Variants in HMCN2 observed in about 807,000 individuals in gnomAD.
The protein encoded by HMCN2 is hemicentin 2.
HMCN2 carries 325 observed loss-of-function variants against 377.5 expected under a neutral mutation model. The observed-to-expected ratio is 0.86, with a 90% CI of 0.79 to 0.94. The LOEUF (loss-of-function observed/expected upper bound fraction) is 0.94. Among genes scored for constraint, HMCN2 ranks in the 40% least tolerant of loss-of-function variants. The pLI, the probability that HMCN2 is intolerant of heterozygous loss-of-function variation, is 0.00. For missense variants in HMCN2, 4,543 were observed against 4,725.3 expected, an observed-to-expected ratio of 0.96 and a Z score of 1.13; for synonymous variants, 2,007 against 2,046.8, an observed-to-expected ratio of 0.98 and a Z score of 0.53.
rs1056272918 is a variant in HMCN2, at chr9:130,383,447, G to T, written c.8734-57G>T. 3.8e-5 allele frequency: 29 copies of T among 764,260 alleles called. No homozygotes were observed. In the Admixed American group the frequency reaches 1.2e-3, roughly 31 times the overall value. The allele number at this position is 764,260 out of a possible 1,614,324, so 47.3% of individuals were successfully genotyped here. On this transcript the variant is annotated intron_variant, in intron 56 of 97. Coordinates refer to ENST00000683500, the MANE Select transcript of HMCN2 (RefSeq NM_001291815.2). ...GGATTCCTCGCAGTCATTCCTGGGGGTGGTGGTGTCCAAGGGGTCTCAGGT... is the reference window on the plus strand; with the variant it reads ...GGATTCCTCGCAGTCATTCCTGGGGTTGGTGGTGTCCAAGGGGTCTCAGGT...
rs1189688431 is a variant in HMCN2 at position 130,358,450 on chromosome 9, G to A, written c.5641G>A (p.Gly1881Arg). 1 of 1,304,350 alleles carries A rather than the reference G, an allele frequency of 7.7e-7. No homozygotes were observed. The highest frequency in any genetic ancestry group is 5.5e-5 in the East Asian group (1 of 18,028). 80.8% of individuals were successfully genotyped at this position (1,304,350 alleles called of 1,614,324 possible). A position where few individuals can be genotyped will look rare whatever the true frequency, so the allele number is the denominator to read the frequency against. Residue 1881 changes from glycine (G) to arginine (R), a missense_variant, in exon 36 of 98, where the codon GGG becomes AGG. Gly to Arg is a moderately radical substitution (Grantham distance 125). This residue lies in a region of HMCN2 where 1,032 missense variants were observed against 1,285.1 expected (regional missense o/e 0.80). Coordinates refer to ENST00000683500, the MANE Select transcript of HMCN2 (RefSeq NM_001291815.2). ...IYTCAATNLA[G>R]ESKREVALKV... ...CACTTGTGCTGCTACCAACCTGGCT[G>A]GGGAGAGCAAGAGGGAAGTGGCGCT...
At chr9:130,295,474 A>G (rs1472122853) in intron 5 of HMCN2, among the ~76,000 whole-genome samples, 192 bp from the exon 6 acceptor site, 3 of 152,074 alleles carry the variant, frequency 2.0e-5, no homozygotes, top group Admixed American at 6.5e-5. Flanking sequence ...GGCCGGGCAC[A>G]CAGTCTGCCC....
intron 36 of HMCN2, 24 bp from the exon 37 acceptor site, chr9:130,359,295 G>A (rs1310262667): frequency 7.9e-7 from 1 of 1,270,020 alleles, no homozygotes. Flanking sequence ...CTACCAAGCT[G>A]GGTCTCTCCT....
chr9:130,432,375 C>T, intron 96 of HMCN2, 54 bp from the exon 97 acceptor site: 1 of 1,541,896 alleles, frequency 6.5e-7, no homozygotes, highest in Non-Finnish European at 8.8e-7. Flanking sequence ...CCCCCCTTCT[C>T]CTTTGCTCCA....
chr9:130,433,216 C>A, intron 97 of HMCN2, 132 bp from the exon 98 acceptor site: 7 of 652,828 alleles, frequency 1.1e-5, no homozygotes, highest in Non-Finnish European at 1.7e-5. Flanking sequence ...GCGTGTGGGG[C>A]TCTGCGGGAG....
intron 27 of HMCN2, 104 bp from the exon 28 acceptor site, chr9:130,348,880 T>C (rs755765024): frequency 2.2e-4 from 274 of 1,218,482 alleles, no homozygotes; most frequent in Non-Finnish European, 2.7e-4. Context: ...CATGGCACCG[T>C]TCTGGCCACT....
intron 22 of HMCN2, among the ~76,000 whole-genome samples, chr9:130,337,612 T>G (rs1167800283): frequency 2.6e-5 from 4 of 152,092 alleles, no homozygotes; most frequent in African/African-American, 4.8e-5. Flanking sequence ...GTGAAGCAAC[T>G]TGCCTGAGGT....
At chr9:130,429,485 G>A (rs1844602493) in intron 93 of HMCN2, 72 bp from the exon 94 acceptor site, 2 of 1,532,688 alleles carry the variant, frequency 1.3e-6, no homozygotes, top group Admixed American at 2.0e-5. Context: ...ATATGGAGGG[G>A]GATGGTCCGT....
Position 130,392,131 on chromosome 9 carries a change from G to T in HMCN2, c.10136+13G>T. ...GCCACACCCTCAGGTAGGGGAGACG[G>T]TGGACAGGCCTTGGCTATTCCACTC... is the stretch of plus-strand genomic sequence containing the variant. On this transcript the variant is annotated intron_variant, in intron 66 of 97. Coordinates refer to ENST00000683500, the MANE Select transcript of HMCN2 (RefSeq NM_001291815.2). 2.0e-6 allele frequency: 2 copies of T among 988,094 alleles called. No individual in the cohort carries two copies. The highest frequency in any genetic ancestry group is 2.4e-6 in the Non-Finnish European group (2 of 830,120). The allele number at this position is 988,094 out of a possible 1,614,324, so 61.2% of individuals were successfully genotyped here.
chr9:130,413,271 G>A (rs1290293322), intron 85 of HMCN2, among the ~76,000 whole-genome samples: 3 of 152,124 alleles, frequency 2.0e-5, no homozygotes, highest in Non-Finnish European at 2.9e-5. Context: ...TATTGCCTTG[G>A]TTGGACCCTC....
rs1408687286 is a variant in HMCN2 at position 130,379,389 on chromosome 9, G to A, written c.8353G>A (p.Ala2785Thr). Residue 2785 changes from alanine to threonine, a missense_variant, in exon 54 of 98, where the codon GCG becomes ACG. By Grantham distance (58) the Ala-to-Thr change is moderately conservative. Around this residue, in one of 5 missense-constraint regions of HMCN2, gnomAD observed 736 missense variants for 773.2 expected, o/e 0.95. Coordinates refer to ENST00000683500, the MANE Select transcript of HMCN2 (RefSeq NM_001291815.2). ...AGCCTACCTGTACTGCGACACCAAC[G>A]CGATCCCACCCCCGGACCTCACCTG... ...NPAYLYCDTN[A>T]IPPPDLTWYR... 1.5e-5 allele frequency: 15 copies of A among 985,664 alleles called. No homozygotes were observed. The highest frequency in any genetic ancestry group is 6.2e-5 in the Admixed American group (1 of 16,260). 61.1% of individuals were successfully genotyped at this position (985,664 alleles called of 1,614,324 possible).
rs77931840 is a variant in HMCN2 at position 130,431,836 on chromosome 9, C to T, written c.14767+350C>T. On this transcript the variant is annotated intron_variant, in intron 96 of 97. Transcript: ENST00000683500. ...GCTAGCACAGTCCCCTCTCAGATAG[C>T]TGGGATGAGAGCTGTGGAGGTTGAG... 7.6e-3 allele frequency among the ~76,000 whole-genome samples: 1,153 copies of T among 152,344 alleles called. 5 individuals carry two copies. Among genetic ancestry groups the T allele is most frequent in the Middle Eastern group, 0.02 (6 of 294 alleles).
Position 130,418,895 on chromosome 9 carries a change from C to T in HMCN2, c.13085C>T (p.Pro4362Leu). Residue 4362 changes from proline to leucine, a missense_variant, in exon 86 of 98, where the codon CCC becomes CTC. Physicochemically the swap from Pro to Leu is moderately conservative, Grantham distance 98. Coordinates refer to ENST00000683500, the MANE Select transcript of HMCN2 (RefSeq NM_001291815.2). ...ATTGAATGGCTACAGGCGGGTCAAC[C>T]CTTGCGGGCCAGCCGGCGGCTCCGG... is the stretch of plus-strand genomic sequence containing the variant. ...PTIEWLQAGQ[P>L]LRASRRLRTL... 2 of 1,549,728 alleles carry T rather than the reference C, an allele frequency of 1.3e-6. No homozygotes were observed. Among genetic ancestry groups the T allele is most frequent in the Non-Finnish European group, 1.7e-6 (2 of 1,146,432 alleles).
chr9:130,330,315 C>T lies in HMCN2; in HGVS notation c.3359+2840C>T, dbSNP rs1052374438. 2.0e-5 allele frequency among the ~76,000 whole-genome samples: 3 copies of T among 152,124 alleles called. No homozygotes were observed. In the East Asian group the frequency reaches 5.8e-4, roughly 29 times the overall value. On this transcript the variant is annotated intron_variant, in intron 22 of 97. Transcript: ENST00000683500. ...TCTGTGGGGAATTCTGCGGTGTAGT[C>T]AGGGCTGAGAGCCAAGATGTGCTGA... is the stretch of plus-strand genomic sequence containing the variant.
Position 130,354,992 on chromosome 9 carries a change from G to A in HMCN2, c.5094G>A (p.Val1698=), listed in dbSNP as rs765575333. The A allele has an allele frequency of 7.7e-7, 1 of 1,297,512 alleles. No homozygotes were observed. The highest frequency in any genetic ancestry group is 1.2e-5 in the South Asian group (1 of 80,978). The allele number at this position is 1,297,512 out of a possible 1,614,324, so 80.4% of individuals were successfully genotyped here. ...GEASSGLYSC[V]ASSPAGEAVL... is the part of the protein sequence containing the mutation. ...CATCCAGTGGCCTGTACAGCTGTGT[G>A]GCCAGCAGTCCTGCCGGGGAAGCCG... is the stretch of plus-strand genomic sequence containing the variant. Residue 1698 remains valine (V), a synonymous_variant, in exon 32 of 98, where the codon GTG becomes GTA. Coordinates refer to ENST00000683500, the MANE Select transcript of HMCN2 (RefSeq NM_001291815.2).
intron 76 of HMCN2, 147 bp downstream of exon 76, chr9:130,399,779 C>A: frequency 2.3e-6 from 1 of 427,154 alleles, no homozygotes; most frequent in Non-Finnish European, 3.8e-6. Flanking sequence ...TCAGATCCTG[C>A]TGGGCCACAC....
At chr9:130,380,251 A>G (rs956277931) in intron 54 of HMCN2, among the ~76,000 whole-genome samples, 4 of 151,610 alleles carry the variant, frequency 2.6e-5, no homozygotes, top group African/African-American at 9.7e-5. Context: ...TTTTAAGTAA[A>G]CCTTTTATTT....
chr9:130,274,495 A>C (rs1554922336), intron 1 of HMCN2, among the ~76,000 whole-genome samples: 1 of 152,194 alleles, frequency 6.6e-6, no homozygotes, highest in Non-Finnish European at 1.5e-5. Flanking sequence ...TCATGTGTGC[A>C]ATCAGTAAGT....
chr9:130,336,827 T>C (rs1838777744), intron 22 of HMCN2, among the ~76,000 whole-genome samples: 1 of 151,558 alleles, frequency 6.6e-6, no homozygotes, highest in Admixed American at 6.6e-5. Context: ...GCTCACCATG[T>C]CTCATGTGAT....
Sources: allele counts gnomAD v4.1 joint callset (sites outside exome capture counted in the v4.1 genomes callset), GRCh38; gene constraint gnomAD v4.1.1; regional missense constraint gnomAD v4.1.1; transcripts MANE v1.5; gene names NCBI Gene and HGNC (gene_info 2026-07-23, HGNC 2026-07-21).